VSTM2A: variants seen among roughly 807,000 people sequenced by gnomAD.
VSTM2A encodes the protein V-set and transmembrane domain containing 2A.
A neutral mutation model predicts 27.3 loss-of-function variants in VSTM2A; 13 were observed. That is an observed-to-expected ratio of 0.48 (90% CI 0.31 to 0.76). The LOEUF (loss-of-function observed/expected upper bound fraction) is 0.76, where lower values mean the gene tolerates loss of function less well. VSTM2A is among the 30% of genes least tolerant of loss of function. The pLI is 0.05. For missense variants in VSTM2A, 280 were observed against 310.0 expected (o/e 0.90, Z 0.73); for synonymous variants, 142 against 125.7 (o/e 1.13, Z -0.87).
intron 3 of VSTM2A, among the ~76,000 whole-genome samples, chr7:54,549,015 A>G (rs1584048557): frequency 6.7e-6 from 1 of 149,888 alleles, no homozygotes; most frequent in East Asian, 1.9e-4. Flanking sequence ...GCTTATATAT[A>G]TAATATAGGA....
chr7:54,567,109 A>G (rs897811776), intron 4 of VSTM2A, among the ~76,000 whole-genome samples: 2 of 152,218 alleles, frequency 1.3e-5, no homozygotes, highest in Non-Finnish European at 2.9e-5. Flanking sequence ...TAAATAAAAA[A>G]CAGAAAGGAG....
intron 4 of VSTM2A, chr7:54,553,832 G>A (rs1470205934): frequency 6.4e-7 from 1 of 1,550,842 alleles, no homozygotes; most frequent in East Asian, 2.4e-5. Context: ...AATATACTAA[G>A]TCATTCTCTA....
chr7:54,557,018 T>C (rs1467532500), intron 4 of VSTM2A: 1 of 152,218 alleles, frequency 6.6e-6, no homozygotes, highest in Admixed American at 6.5e-5. Flanking sequence ...ATGGCCAAAG[T>C]GTTGAAAACT....
intron 1 of VSTM2A, among the ~76,000 whole-genome samples, chr7:54,543,620 G>A (rs1467325995): frequency 6.6e-6 from 1 of 151,914 alleles, no homozygotes; most frequent in African/African-American, 2.4e-5. Context: ...AGGGGTGGGG[G>A]GAGGAGTGCA....
chr7:54,548,531 A>T (rs1287499453), intron 3 of VSTM2A, among the ~76,000 whole-genome samples: 2 of 151,998 alleles, frequency 1.3e-5, no homozygotes, highest in African/African-American at 4.8e-5. Context: ...ACCCCAGGTG[A>T]TTCTAATGTA....
Position 54,549,862 on chromosome 7 carries a change from C to T in VSTM2A, c.326C>T (p.Ser109Phe), listed in dbSNP as rs1052613457. The T allele has an allele frequency of 6.2e-7, 1 of 1,607,138 alleles. No individual in the cohort carries two copies. Residue 109 changes from serine (S) to phenylalanine (F), a missense_variant, in exon 4 of 5, where the codon TCC becomes TTC. By Grantham distance (155) the Ser-to-Phe change is radical (BLOSUM62 -2). Transcript: ENST00000402613. ...STVKVQGNDI[S>F]HKLQISKVRK... is the part of the protein sequence containing the mutation. ...GTGAAAGTCCAAGGCAATGACATCT[C>T]CCACAAGCTTCAGATTTCCAAAGTG...
At chr7:54,565,440 C>T (rs1788691478) in intron 4 of VSTM2A, among the ~76,000 whole-genome samples, 1 of 152,224 alleles carries the variant, frequency 6.6e-6, no homozygotes, top group African/African-American at 2.4e-5. Context: ...TGCCCACTGT[C>T]TCCCAGCCTG....
chr7:54,545,249 C>G (rs1394582901), intron 2 of VSTM2A, among the ~76,000 whole-genome samples: 1 of 151,708 alleles, frequency 6.6e-6, no homozygotes, highest in Non-Finnish European at 1.5e-5. Context: ...GGGCGGCCAG[C>G]TCCTCTCACC....
At chr7:54,560,405 T>C (rs1224172139) in intron 4 of VSTM2A, among the ~76,000 whole-genome samples, 1 of 152,154 alleles carries the variant, frequency 6.6e-6, no homozygotes, top group Non-Finnish European at 1.5e-5. Context: ...GATGAATTCA[T>C]ATTGATTAAA....
chr7:54,569,766 T>G lies in VSTM2A; in HGVS notation c.*547T>G. ...CTAGGAGGTTTATAGAACTACATTT[T>G]GAGTGTTCTATATTTCAGTGTATTT... On this transcript the variant is annotated 3_prime_UTR_variant, in exon 5 of 5. Coordinates refer to ENST00000402613, the MANE Select transcript of VSTM2A (RefSeq NM_001301009.2). The G allele has an allele frequency of 6.5e-6, 1 of 153,378 alleles. No homozygotes were observed. Among genetic ancestry groups the G allele is most frequent in the East Asian group, 1.9e-4 (1 of 5,204 alleles). The allele number at this position is 153,378 out of a possible 1,614,324, so 9.5% of individuals were successfully genotyped here. A position where few individuals can be genotyped will look rare whatever the true frequency, so the allele number is the denominator to read the frequency against.
At chr7:54,568,544 A>C (rs1409211452) in intron 4 of VSTM2A, among the ~76,000 whole-genome samples, 1 of 151,940 alleles carries the variant, frequency 6.6e-6, no homozygotes, top group African/African-American at 2.4e-5. Flanking sequence ...AAAAAAAAAA[A>C]CACTATAAAA....
chr7:54,556,825 A>G (rs1788376105), intron 4 of VSTM2A: 1 of 152,222 alleles, frequency 6.6e-6, no homozygotes, highest in Non-Finnish European at 1.5e-5. Context: ...GGCCTATGAT[A>G]TCAAGGTTGG....
chr7:54,550,505 A>G, intron 4 of VSTM2A: 1 of 462,656 alleles, frequency 2.2e-6, no homozygotes, highest in Non-Finnish European at 3.6e-6. Context: ...TTTTCTCTAC[A>G]GATTTATGTA....
chr7:54,546,860 G>A, intron 2 of VSTM2A, 87 bp from the exon 3 acceptor site: 1 of 1,541,320 alleles, frequency 6.5e-7, no homozygotes, highest in Non-Finnish European at 8.7e-7. Context: ...TGACGGCCCT[G>A]CCCGGAGCCG....
chr7:54,545,721 A>AG (rs201366123), intron 2 of VSTM2A, among the ~76,000 whole-genome samples: 1 of 88,504 alleles, frequency 1.1e-5, no homozygotes, highest in East Asian at 5.8e-4. Context: ...GAGAGAGGGA[A>AG]GGGGAAAAAG....
intron 1 of VSTM2A, 116 bp from the exon 2 acceptor site, chr7:54,544,505 GT>G (rs1787878424): frequency 7.8e-7 from 1 of 1,283,366 alleles, no homozygotes; most frequent in Non-Finnish European, 1.1e-6. Flanking sequence ...AGCCGAGGAT[GT>G]AAGAGAGGGG....
chr7:54,550,002 A>G lies in VSTM2A; in HGVS notation c.466A>G (p.Arg156Gly). 1 of 1,613,034 alleles carries G rather than the reference A, an allele frequency of 6.2e-7. No homozygotes were observed. The highest frequency in any genetic ancestry group is 8.5e-7 in the Non-Finnish European group (1 of 1,179,450). Residue 156 changes from arginine to glycine, a missense_variant, in exon 4 of 5, where the codon AGA becomes GGA. Transcript: ENST00000402613. ...AGTCAATGCCAACAGCCATGCCCGC[A>G]GAATGCAGGCCTTCGAAGCCTCGCC... ...LKVNANSHAR[R>G]MQAFEASPMW...
At chr7:54,550,248 A>G in intron 4 of VSTM2A, 78 bp downstream of exon 4, 4 of 1,534,432 alleles carry the variant, frequency 2.6e-6, no homozygotes, top group East Asian at 2.5e-5. Context: ...TAGAGTAGAC[A>G]GATTTATGAA....
intron 1 of VSTM2A, 111 bp from the exon 2 acceptor site, chr7:54,544,511 G>C (rs1787878641): frequency 1.5e-6 from 2 of 1,336,488 alleles, no homozygotes; most frequent in African/African-American, 1.4e-5. Flanking sequence ...GGATGTAAGA[G>C]AGGGGTTTTG....
Sources: gnomAD v4.1 joint callset for allele counts (sites outside exome capture counted in the v4.1 genomes callset) on GRCh38, gnomAD v4.1.1 for gene constraint, MANE v1.5 for transcripts, NCBI Gene and HGNC (gene_info 2026-07-23, HGNC 2026-07-21) for gene names.